Variants in JAZF1 observed in about 807,000 individuals in gnomAD.
JAZF1 encodes JAZF zinc finger 1.
Under a neutral mutation model 26.4 loss-of-function variants are expected in JAZF1, and 8 were observed. The ratio of observed to expected loss-of-function variants is 0.30; its 90% confidence interval spans 0.18 to 0.55. JAZF1 has a LOEUF of 0.55. Among genes scored for constraint, JAZF1 ranks in the 20% least tolerant of loss-of-function variants. The pLI is 0.94. For missense variants in JAZF1, 199 were observed against 322.0 expected (o/e 0.62, Z 2.92); for synonymous variants, 126 against 122.3 (o/e 1.03, Z -0.20).
chr7:27,861,967 C>G (rs1783389543), intron 3 of JAZF1, among the ~76,000 whole-genome samples: 1 of 152,188 alleles, frequency 6.6e-6, no homozygotes, highest in African/African-American at 2.4e-5. Flanking sequence ...GAACTGTGCC[C>G]TCACCCTGGG....
At chr7:28,127,626 G>C (rs760751039) in intron 1 of JAZF1, among the ~76,000 whole-genome samples, 2 of 152,182 alleles carry the variant, frequency 1.3e-5, no homozygotes, top group African/African-American at 4.8e-5. Context: ...AAATGTGGCT[G>C]TATTAGTCCA....
chr7:28,174,504 T>C (rs1490583483), intron 1 of JAZF1, among the ~76,000 whole-genome samples: 2 of 152,192 alleles, frequency 1.3e-5, no homozygotes, highest in Non-Finnish European at 2.9e-5. Flanking sequence ...GTAGGAGATA[T>C]CTCCGAAATA....
At chr7:28,108,359 C>T (rs750391299) in intron 1 of JAZF1, among the ~76,000 whole-genome samples, 17 of 152,184 alleles carry the variant, frequency 1.1e-4, no homozygotes, top group Non-Finnish European at 2.2e-4. Context: ...AAATGAGGAG[C>T]CTCGTCATGG....
At chr7:27,881,511 A>G (rs1010651981) in intron 3 of JAZF1, among the ~76,000 whole-genome samples, 28 of 152,128 alleles carry the variant, frequency 1.8e-4, no homozygotes, top group Non-Finnish European at 3.7e-4. Flanking sequence ...CTCTGCCAAA[A>G]CTAACTTCAT....
chr7:28,019,851 ATCCAGGCTATGCCACTAGTT>A (rs1185061661), intron 1 of JAZF1, among the ~76,000 whole-genome samples: 2 of 152,220 alleles, frequency 1.3e-5, no homozygotes, highest in South Asian at 2.1e-4. Context: ...CGGACTCCAA[ATCCAGGCTATGCCACTAGTT>A]TCCAGGCTAT....
In JAZF1 at chr7:27,974,358, G is replaced by C. The variant is rs552957728; in HGVS notation, c.188+17551C>G. Among the ~76,000 whole-genome samples, 21 of 152,294 alleles carry C rather than the reference G, an allele frequency of 1.4e-4. No homozygotes were observed. In the South Asian group the frequency reaches 4.1e-3, roughly 30 times the overall value. ...CTTTTATGGCAAAGAAGTAGAAGAAGAACCAGGACAGAACAAACTAATGGG... is the reference window on the plus strand; with the variant it reads ...CTTTTATGGCAAAGAAGTAGAAGAACAACCAGGACAGAACAAACTAATGGG... On this transcript the variant is annotated intron_variant, in intron 2 of 4. Coordinates refer to ENST00000283928, the MANE Select transcript of JAZF1 (RefSeq NM_175061.4).
rs1300896481 is a variant in JAZF1, at chr7:27,991,863, A to G, written c.188+46T>C. The G allele has an allele frequency of 3.1e-6, 3 of 964,772 alleles. No homozygotes were observed. The Admixed American group carries it at 6.7e-5, about 21-fold the overall frequency. 59.8% of individuals were successfully genotyped at this position (964,772 alleles called of 1,614,324 possible). A position where few individuals can be genotyped will look rare whatever the true frequency, so the allele number is the denominator to read the frequency against. ...AAAAGATGTGTTTAAAAAGTCAATA[A>G]GCAGCAGATATAAGGTTGTTATAAT... On this transcript the variant is annotated intron_variant, in intron 2 of 4. Transcript: ENST00000283928.
At chr7:28,017,472 C>A (rs1200830540) in intron 1 of JAZF1, among the ~76,000 whole-genome samples, 1 of 151,858 alleles carries the variant, frequency 6.6e-6, no homozygotes, top group Non-Finnish European at 1.5e-5. Flanking sequence ...TAGGATTGTA[C>A]ATACTGTCGC....
intron 3 of JAZF1, among the ~76,000 whole-genome samples, chr7:27,876,250 C>A (rs976925310): frequency 1.3e-5 from 2 of 152,178 alleles, no homozygotes; most frequent in African/African-American, 4.8e-5. Context: ...CAACCTGCTT[C>A]CAGAACTGTT....
chr7:27,960,945 T>C (rs918943425), intron 2 of JAZF1, among the ~76,000 whole-genome samples: 4 of 152,056 alleles, frequency 2.6e-5, no homozygotes, highest in African/African-American at 7.2e-5. Context: ...AAGAAAACCC[T>C]GGGGTGTTAT....
intron 1 of JAZF1, among the ~76,000 whole-genome samples, chr7:28,074,769 A>G (rs1317088919): frequency 6.6e-6 from 1 of 152,162 alleles, no homozygotes; most frequent in Non-Finnish European, 1.5e-5. Flanking sequence ...TTATTTTTAA[A>G]CTGTATTTCA....
intron 2 of JAZF1, among the ~76,000 whole-genome samples, chr7:27,957,162 C>G (rs952507656): frequency 6.6e-6 from 1 of 152,082 alleles, no homozygotes; most frequent in Non-Finnish European, 1.5e-5. Context: ...AATTTAAATC[C>G]TCAAAGCACT....
intron 1 of JAZF1, among the ~76,000 whole-genome samples, chr7:28,140,628 G>A (rs766501088): frequency 3.3e-5 from 5 of 151,832 alleles, no homozygotes; most frequent in Non-Finnish European, 5.9e-5. Flanking sequence ...CCGGTCCCCC[G>A]TGGATTCTGT....
chr7:27,893,781 C>G (rs1398307758), intron 3 of JAZF1, among the ~76,000 whole-genome samples: 1 of 152,152 alleles, frequency 6.6e-6, no homozygotes, highest in East Asian at 1.9e-4. Flanking sequence ...AACATGCGGA[C>G]CTCTTCCACC....
chr7:28,002,773 A>G (rs931060309), intron 1 of JAZF1, among the ~76,000 whole-genome samples: 3 of 152,140 alleles, frequency 2.0e-5, no homozygotes, highest in Non-Finnish European at 4.4e-5. Flanking sequence ...ATGCTTAGAA[A>G]CATGGCTTCC....
At chr7:27,968,466 A>T (rs371304334) in intron 2 of JAZF1, among the ~76,000 whole-genome samples, 1 of 152,178 alleles carries the variant, frequency 6.6e-6, no homozygotes, top group East Asian at 1.9e-4. Flanking sequence ...GGAAATCAGA[A>T]ATTGCAGGGC....
chr7:28,109,074 G>A (rs1295269336), intron 1 of JAZF1, among the ~76,000 whole-genome samples: 1 of 152,168 alleles, frequency 6.6e-6, no homozygotes, highest in Non-Finnish European at 1.5e-5. Flanking sequence ...AGGAGGAATA[G>A]GAAGCCATTA....
chr7:28,027,184 C>G (rs969016069), intron 1 of JAZF1, among the ~76,000 whole-genome samples: 5 of 152,200 alleles, frequency 3.3e-5, no homozygotes, highest in African/African-American at 1.2e-4. Flanking sequence ...CCATGCCAGT[C>G]TCAGGGGCTG....
At chr7:28,121,184 T>C (rs1205977909) in intron 1 of JAZF1, among the ~76,000 whole-genome samples, 3 of 7,976 alleles carry the variant, frequency 3.8e-4, no homozygotes, top group Admixed American at 3.0e-3. Flanking sequence ...GGAGACTGTC[T>C]CGAAAAAAAA....
Sources: allele counts gnomAD v4.1 joint callset (sites outside exome capture counted in the v4.1 genomes callset), GRCh38; gene constraint gnomAD v4.1.1; transcripts MANE v1.5; gene names NCBI Gene and HGNC (gene_info 2026-07-23, HGNC 2026-07-21).